USP36: variants seen among roughly 807,000 people sequenced by gnomAD.
USP36 encodes the protein ubiquitin specific peptidase 36, also known as ubiquitin carboxyl-terminal hydrolase 36.
Under a neutral mutation model 111.5 loss-of-function variants are expected in USP36, and 59 were observed. The observed-to-expected ratio is 0.53, with a 90% CI of 0.43 to 0.66. The LOEUF (loss-of-function observed/expected upper bound fraction) is 0.66, where lower values mean the gene tolerates loss of function less well. Among genes scored for constraint, USP36 ranks in the 30% least tolerant of loss-of-function variants. The pLI is 0.00. For synonymous variants in USP36, 628 were observed against 581.0 expected (o/e 1.08, Z -1.16); for missense variants, 1,488 against 1,468.0 (o/e 1.01, Z -0.22).
intron 3 of USP36, among the ~76,000 whole-genome samples, chr17:78,788,313 C>T (rs969132282): frequency 5.3e-5 from 8 of 151,970 alleles, no homozygotes; most frequent in South Asian, 2.1e-4. Context: ...TACAGGTATG[C>T]GCCACCACGC....
At chr17:78,831,548 G>A (rs2068112981) in intron 4 of USP36, among the ~76,000 whole-genome samples, 2 of 152,050 alleles carry the variant, frequency 1.3e-5, no homozygotes, top group South Asian at 2.1e-4. Context: ...GGGAGGTGGG[G>A]GTTGCAGTGA....
At chr17:78,791,297 G>A (rs1567897269), downstream of USP36, among the ~76,000 whole-genome samples, 1 of 152,012 alleles carries the variant, frequency 6.6e-6, no homozygotes, top group Non-Finnish European at 1.5e-5. Flanking sequence ...ACCATGCCCG[G>A]CTGATTTTGT....
At chr17:78,814,354 T>C (rs1490380012) in intron 11 of USP36, 58 bp downstream of exon 11, 1 of 1,599,626 alleles carries the variant, frequency 6.3e-7, no homozygotes, top group Non-Finnish European at 8.5e-7. Flanking sequence ...CGCATCTGGA[T>C]GTGCATGGGT....
At chr17:78,812,492 A>C (rs2094085593) in intron 13 of USP36, among the ~76,000 whole-genome samples, 1 of 152,014 alleles carries the variant, frequency 6.6e-6, no homozygotes, top group South Asian at 2.1e-4. Flanking sequence ...GATCGAAAGC[A>C]TCCTGGCTAA....
At position 78,819,981 on chromosome 17, in the gene USP36, A is replaced by C; in HGVS notation, c.860T>G (p.Leu287Arg). ...QAANIVRALE[L>R]FVKADVLSGE... ...ACTCAGGACATCTGCTTTCACAAAA[A>C]GTTCCAGAGCACGCACAATATTCGC... Residue 287 changes from leucine (L) to arginine (R), a missense_variant, in exon 9 of 21, where the codon CTT (leucine) becomes CGT (arginine). Leu to Arg is a moderately radical substitution (Grantham distance 102). Around this residue, in one of 3 missense-constraint regions of USP36, gnomAD observed 196 missense variants for 264.4 expected, o/e 0.74. Transcript: ENST00000449938. The C allele has an allele frequency of 6.2e-7, 1 of 1,614,230 alleles. No homozygotes were observed. The highest frequency in any genetic ancestry group is 8.5e-7 in the Non-Finnish European group (1 of 1,180,024).
At chr17:78,802,280 C>G in intron 17 of USP36, 44 bp downstream of exon 17, 27 of 1,423,144 alleles carry the variant, frequency 1.9e-5, no homozygotes, top group Non-Finnish European at 2.1e-5. Flanking sequence ...ACCCCTCGCC[C>G]GGTGCACACC....
intron 13 of USP36, among the ~76,000 whole-genome samples, chr17:78,809,318 A>C (rs2093992036): frequency 6.6e-6 from 1 of 151,954 alleles, no homozygotes; most frequent in Admixed American, 6.6e-5. Context: ...TTTTCTTCCA[A>C]GTTTTGTTTT....
chr17:78,812,552 G>C (rs944665303), intron 13 of USP36, among the ~76,000 whole-genome samples: 1 of 151,736 alleles, frequency 6.6e-6, no homozygotes, highest in Non-Finnish European at 1.5e-5. Context: ...TTAGCCGGGC[G>C]TGGTTCGGGC....
In USP36 at chr17:78,836,325, G is replaced by A. The variant is rs887324364; in HGVS notation, c.39C>T (p.Pro13=). The change falls in exon 3 of 21, where the codon CCC becomes CCT. Residue 13 remains proline, a synonymous_variant. Transcript: ENST00000449938. ...CATCATCAGCCGAGTCCTTGCGGCC[G>A]GGTTTCAGGGCCTCCTTCAACTTAT... ...IVDKLKEALK[P]GRKDSADDGE... 1.7e-5 allele frequency: 27 copies of A among 1,614,098 alleles called. No individual in the cohort carries two copies. The highest frequency in any genetic ancestry group is 2.0e-5 in the Non-Finnish European group (24 of 1,180,024).
intron 6 of USP36, among the ~76,000 whole-genome samples, chr17:78,824,411 A>T (rs1157868890): frequency 6.6e-6 from 1 of 152,238 alleles, no homozygotes; most frequent in Non-Finnish European, 1.5e-5. Flanking sequence ...TGAAACCAGC[A>T]GGCAGCATGG....
intron 8 of USP36, 118 bp downstream of exon 8, chr17:78,820,873 G>A: frequency 1.8e-6 from 2 of 1,099,476 alleles, no homozygotes; most frequent in South Asian, 1.3e-5. Flanking sequence ...GCGGCAGGGA[G>A]CAAAGGAGTT....
chr17:78,818,786 G>A lies in USP36; in HGVS notation c.912-8C>T. ...GGAACCTTCTTCTTGCATCTATGAA[G>A]AAGGTGATGAGAAAGATTAATGAAT... On this transcript the variant is annotated splice_region_variant and splice_polypyrimidine_tract_variant and intron_variant, in intron 9 of 20. Coordinates refer to ENST00000449938, the MANE Select transcript of USP36 (RefSeq NM_001385174.1). The A allele has an allele frequency of 8.1e-6, 13 of 1,613,316 alleles. No individual in the cohort carries two copies. Among genetic ancestry groups the A allele is most frequent in the Non-Finnish European group, 1.0e-5 (12 of 1,179,424 alleles).
intron 4 of USP36, among the ~76,000 whole-genome samples, chr17:78,829,565 C>T (rs1013798174): frequency 1.3e-5 from 2 of 152,116 alleles, no homozygotes; most frequent in African/African-American, 4.8e-5. Flanking sequence ...TATCTGAGGG[C>T]TATACAGTCT....
intron 15 of USP36, 37 bp downstream of exon 15, chr17:78,806,119 C>T (rs1168531179): frequency 6.2e-7 from 1 of 1,611,358 alleles, no homozygotes; most frequent in African/African-American, 1.3e-5. Context: ...ACAGGGAGAA[C>T]CAGTTGGCAC....
At position 78,827,032 on chromosome 17, in the gene USP36, A is replaced by G. The variant is rs1427236241; in HGVS notation, c.689+213T>C. 4 of 688,628 alleles carry G rather than the reference A, an allele frequency of 5.8e-6. No individual in the cohort carries two copies. The South Asian group carries it at 6.3e-5, about 11-fold the overall frequency. 42.7% of individuals were successfully genotyped at this position (688,628 alleles called of 1,614,324 possible). A position where few individuals can be genotyped will look rare whatever the true frequency, so the allele number is the denominator to read the frequency against. ...TACCAAGCCGCCCCGGACCAGCAGG[A>G]CGTCTCCGGAGACAGCCCTTTCCCA... On this transcript the variant is annotated intron_variant, in intron 6 of 20. Transcript: ENST00000449938.
At chr17:78,835,990 A>C (rs2068628277) in intron 3 of USP36, 121 bp downstream of exon 3, 1 of 1,426,068 alleles carries the variant, frequency 7.0e-7, no homozygotes, top group East Asian at 2.3e-5. Context: ...ACCCCATGTA[A>C]AAATTCATAA....
chr17:78,795,411 C>T (rs902108151), downstream of USP36, among the ~76,000 whole-genome samples: 1 of 152,326 alleles, frequency 6.6e-6, no homozygotes, highest in South Asian at 2.1e-4. The surrounding 1 kb of genome is among the most constrained non-coding windows in gnomAD (Gnocchi z 4.5). Flanking sequence ...AGCTGCAGAG[C>T]AGCATTCTCA....
chr17:78,841,073 C>G (rs1418097804), upstream of USP36: 2 of 152,228 alleles, frequency 1.3e-5, no homozygotes, highest in African/African-American at 2.4e-5. Flanking sequence ...AGGGTGACGT[C>G]TCCGCAGCGC....
intron 7 of USP36, 175 bp from the exon 8 acceptor site, chr17:78,821,236 A>C (rs1244208898): frequency 5.0e-6 from 3 of 594,500 alleles, no homozygotes; most frequent in Non-Finnish European, 8.8e-6. Flanking sequence ...TTCACCACTG[A>C]AGTTCACAAA....
Sources: gnomAD v4.1 joint callset for allele counts (sites outside exome capture counted in the v4.1 genomes callset) on GRCh38, gnomAD v4.1.1 for gene constraint, gnomAD v4.1.1 regional missense constraint, Gnocchi (gnomAD v3.1) non-coding constraint, MANE v1.5 for transcripts, NCBI Gene and HGNC (gene_info 2026-07-23, HGNC 2026-07-21) for gene names.